The following BEND7 variants were observed in gnomAD, a reference collection of about 807,000 sequenced individuals.
BEND7 encodes BEN domain containing 7, also known as BEN domain-containing protein 7.
Under a neutral mutation model 50.9 loss-of-function variants are expected in BEND7, and 28 were observed. The ratio of observed to expected loss-of-function variants is 0.55; its 90% CI spans 0.41 to 0.75. The LOEUF (loss-of-function observed/expected upper bound fraction) is 0.75, where lower values mean the gene tolerates loss of function less well. BEND7 is among the 30% of genes least tolerant of loss of function. The pLI is 0.00. For synonymous variants in BEND7, 170 were observed against 183.9 expected (o/e 0.92, Z 0.61); for missense variants, 477 against 491.3 (o/e 0.97, Z 0.28).
intron 6 of BEND7, among the ~76,000 whole-genome samples, chr10:13,464,540 C>T (rs938030713): frequency 5.9e-5 from 9 of 151,874 alleles, no homozygotes; most frequent in Non-Finnish European, 5.9e-5. Context: ...TACTCTGGGG[C>T]GGGGAAGAGA....
rs549566319 is a variant in BEND7 at position 13,468,089 on chromosome 10, C to T, written c.1063+12810G>A. 1.2e-4 allele frequency among the ~76,000 whole-genome samples: 18 copies of T among 152,290 alleles called. 1 individual carries two copies. In the South Asian group the frequency reaches 3.7e-3, roughly 32 times the overall value. On this transcript the variant is annotated intron_variant, in intron 6 of 8. Transcript: ENST00000466271. ...GTTTTCCCAATGAGATAATTAACAG[C>T]ACCATACTGACCCTCAGGAGTGTCC...
At chr10:13,519,215 G>A (rs1478580487) in intron 2 of BEND7, among the ~76,000 whole-genome samples, 2 of 152,226 alleles carry the variant, frequency 1.3e-5, no homozygotes, top group Admixed American at 6.5e-5. Flanking sequence ...GCTCACGCCT[G>A]TAATCCCAGC....
intron 6 of BEND7, among the ~76,000 whole-genome samples, chr10:13,462,272 C>T (rs1489052067): frequency 6.6e-6 from 1 of 152,150 alleles, no homozygotes. Context: ...TTTAACATGG[C>T]TGGGGAGGCC....
At chr10:13,461,218 C>T (rs1002922445) in intron 6 of BEND7, among the ~76,000 whole-genome samples, 2 of 152,150 alleles carry the variant, frequency 1.3e-5, no homozygotes, top group Admixed American at 6.5e-5. Flanking sequence ...GCACAGCCTG[C>T]GACTGTCCTG....
At chr10:13,499,641 C>T in intron 3 of BEND7, 137 bp downstream of exon 3, 2 of 1,073,490 alleles carry the variant, frequency 1.9e-6, no homozygotes, top group South Asian at 5.6e-5. Flanking sequence ...TTGTGTCTCC[C>T]TGTCTTTTAA....
Position 13,504,568 on chromosome 10 carries a change from G to A in BEND7, c.146-4488C>T, listed in dbSNP as rs140478806. On this transcript the variant is annotated intron_variant, in intron 2 of 8. Transcript: ENST00000466271. ...TGGAAGCATTCACTGACTTCTACTG[G>A]TATTTCCAGTTATCATTAGTCAATG... 5.7e-4 allele frequency among the ~76,000 whole-genome samples: 87 copies of A among 152,296 alleles called. 1 individual carries two copies. Among genetic ancestry groups the A allele is most frequent in the African/African-American group, 2.0e-3 (85 of 41,554 alleles).
chr10:13,464,079 G>A (rs1298222777), intron 6 of BEND7, among the ~76,000 whole-genome samples: 1 of 152,222 alleles, frequency 6.6e-6, no homozygotes, highest in African/African-American at 2.4e-5. Flanking sequence ...GCTGGCAGAT[G>A]CATCAATTAA....
At chr10:13,507,567 T>C in intron 2 of BEND7, among the ~76,000 whole-genome samples, 1 of 152,228 alleles carries the variant, frequency 6.6e-6, no homozygotes, top group East Asian at 1.9e-4. Context: ...AAATGGCCAC[T>C]GAGTGACTTA....
chr10:13,473,180 C>CT (rs2075060618), intron 6 of BEND7, among the ~76,000 whole-genome samples: 1 of 152,074 alleles, frequency 6.6e-6, no homozygotes, highest in African/African-American at 2.4e-5. Context: ...GGACCAATAT[C>CT]ATCATCGCTG....
upstream of BEND7, among the ~76,000 whole-genome samples, chr10:13,529,214 C>T (rs1036725003): frequency 6.8e-6 from 1 of 146,830 alleles, no homozygotes; most frequent in African/African-American, 2.5e-5. Flanking sequence ...CGGGCCCGGC[C>T]GGCCTGCCTG....
intron 7 of BEND7, among the ~76,000 whole-genome samples, chr10:13,451,335 C>T (rs538560093): frequency 4.0e-5 from 6 of 151,446 alleles, no homozygotes; most frequent in Non-Finnish European, 5.9e-5. Flanking sequence ...ACAACAGGTG[C>T]GTGCCATCTT....
Position 13,449,549 on chromosome 10 carries a change from A to G in BEND7, c.1184-2233T>C, listed in dbSNP as rs551509400. On this transcript the variant is annotated intron_variant, in intron 7 of 8. Coordinates refer to ENST00000466271, the MANE Select transcript of BEND7 (RefSeq NM_001369863.1). ...TGGGCTATTCGTCTCTTTGCTATTAATAGTCCAAACATACCATATGCATCG... is the reference window on the plus strand; with the variant it reads ...TGGGCTATTCGTCTCTTTGCTATTAGTAGTCCAAACATACCATATGCATCG... 9.8e-5 allele frequency among the ~76,000 whole-genome samples: 15 copies of G among 152,350 alleles called. No homozygotes were observed. In the East Asian group the frequency reaches 2.9e-3, roughly 29 times the overall value.
chr10:13,457,424 A>G (rs1186264891), intron 6 of BEND7, among the ~76,000 whole-genome samples: 1 of 152,234 alleles, frequency 6.6e-6, no homozygotes, highest in East Asian at 1.9e-4. Flanking sequence ...TTTGGTTTCA[A>G]TAGAAAGAAG....
intron 6 of BEND7, among the ~76,000 whole-genome samples, chr10:13,463,510 T>C (rs560679674): frequency 3.9e-5 from 6 of 152,312 alleles, no homozygotes; most frequent in African/African-American, 1.4e-4. Flanking sequence ...CAGTCAAAAA[T>C]GGATGCTGTT....
At position 13,492,619 on chromosome 10, in the gene BEND7, A is replaced by G. The variant is rs2076741603; in HGVS notation, c.829T>C (p.Ser277Pro). 1 of 1,613,670 alleles carries G rather than the reference A, an allele frequency of 6.2e-7. No individual in the cohort carries two copies. Among genetic ancestry groups the G allele is most frequent in the Non-Finnish European group, 8.5e-7 (1 of 1,179,910 alleles). Residue 277 changes from serine to proline, a missense_variant, in exon 5 of 9, where the codon TCC becomes CCC. Ser to Pro is a moderately conservative substitution (Grantham distance 74). Coordinates refer to ENST00000466271, the MANE Select transcript of BEND7 (RefSeq NM_001369863.1). ...LGFGIVLESPSSDPEVQLAEG... is the reference protein window; with the variant it reads ...LGFGIVLESPPSDPEVQLAEG... Reference sequence around the variant, plus strand: ...AGAAAATGGCAACTTACATCTGAGGAAGGTGATTCCAGAACAATGCCGAAT... The same window carrying G: ...AGAAAATGGCAACTTACATCTGAGGGAGGTGATTCCAGAACAATGCCGAAT...
At chr10:13,501,049 A>T (rs2077409670) in intron 2 of BEND7, among the ~76,000 whole-genome samples, 1 of 152,234 alleles carries the variant, frequency 6.6e-6, no homozygotes, top group Non-Finnish European at 1.5e-5. Context: ...TACTTAATAA[A>T]TATTAAAGAT....
intron 6 of BEND7, among the ~76,000 whole-genome samples, chr10:13,457,013 A>T (rs1839120710): frequency 1.3e-5 from 2 of 152,234 alleles, no homozygotes; most frequent in Admixed American, 1.3e-4. Context: ...TCTATTTAGC[A>T]TCCTATTCGT....
intron 6 of BEND7, among the ~76,000 whole-genome samples, chr10:13,465,248 T>C (rs370267653): frequency 2.0e-5 from 3 of 152,222 alleles, no homozygotes; most frequent in African/African-American, 7.2e-5. Context: ...TGAAGTTCAT[T>C]TCAGATTCGG....
intron 6 of BEND7, among the ~76,000 whole-genome samples, chr10:13,464,730 T>C (rs919487432): frequency 6.6e-6 from 1 of 152,232 alleles, no homozygotes; most frequent in African/African-American, 2.4e-5. Flanking sequence ...TAAAGACTAC[T>C]GTTAATGGGG....
Sources: allele counts gnomAD v4.1 joint callset (sites outside exome capture counted in the v4.1 genomes callset), GRCh38; gene constraint gnomAD v4.1.1; transcripts MANE v1.5; gene names NCBI Gene and HGNC (gene_info 2026-07-23, HGNC 2026-07-21).